Variants in ARFGEF3 observed in about 807,000 individuals in gnomAD.
ARFGEF3 encodes the protein ARFGEF family member 3.
A neutral mutation model predicts 221.7 loss-of-function variants in ARFGEF3; 96 were observed. That is an observed-to-expected ratio of 0.43 (90% CI 0.37 to 0.51). The LOEUF (loss-of-function observed/expected upper bound fraction) is 0.51, where lower values mean the gene tolerates loss of function less well. Among genes scored for constraint, ARFGEF3 ranks in the 20% least tolerant of loss-of-function variants. The pLI is 0.00. For synonymous variants in ARFGEF3, 1,145 were observed against 1,126.8 expected, an observed-to-expected ratio of 1.02 and a Z score of -0.32; for missense variants, 2,410 against 2,789.9, an observed-to-expected ratio of 0.86 and a Z score of 3.07.
intron 1 of ARFGEF3, among the ~76,000 whole-genome samples, chr6:138,168,636 ACAGCTTGGACCAAAGTGG>A (rs1403393764): frequency 1.3e-5 from 2 of 152,226 alleles, no homozygotes; most frequent in African/African-American, 4.8e-5. Context: ...AGAGAAGGTG[ACAGCTTGGACCAAAGTGG>A]CAGGACAGAG....
At chr6:138,316,539 A>G (rs576218195) in intron 26 of ARFGEF3, among the ~76,000 whole-genome samples, 9 of 151,818 alleles carry the variant, frequency 5.9e-5, no homozygotes, top group Non-Finnish European at 1.2e-4. Context: ...ATCTTGGATC[A>G]TGTATATCTT....
rs768281228 is a variant in ARFGEF3, at chr6:138,255,565, C to T, written c.900C>T (p.Asp300=). Residue 300 remains aspartate (D), a synonymous_variant, in exon 10 of 34, where the codon GAC becomes GAT. Coordinates refer to ENST00000251691, the MANE Select transcript of ARFGEF3 (RefSeq NM_020340.5). ...ACTCTGCGTCTCCGGGAGTGTCTGA[C>T]CACGGCCGAGGATCAGGCTGCTCCT... ...ESDSASPGVS[D]HGRGSGCSCT... 6.2e-7 allele frequency: 1 copy of T among 1,614,020 alleles called. No homozygotes were observed. Among genetic ancestry groups the T allele is most frequent in the Non-Finnish European group, 8.5e-7 (1 of 1,179,900 alleles).
chr6:138,275,061 T>C (rs1397078818), intron 12 of ARFGEF3, among the ~76,000 whole-genome samples: 1 of 151,106 alleles, frequency 6.6e-6, no homozygotes, highest in Non-Finnish European at 1.5e-5. Flanking sequence ...GAGCTGAGAT[T>C]GTGCCATTGC....
chr6:138,238,562 T>A lies in ARFGEF3; in HGVS notation c.474T>A (p.Ala158=), dbSNP rs749254747. The change falls in exon 6 of 34, where the codon GCT becomes GCA. Residue 158 remains alanine, a synonymous_variant. Coordinates refer to ENST00000251691, the MANE Select transcript of ARFGEF3 (RefSeq NM_020340.5). ...GTCACCAGCGTAGCATAAACACTGC[T>A]GTGCGGGCAACTCTCAGTCAAATGC... ...SSCHQRSINT[A]VRATLSQMLS... The A allele has an allele frequency of 1.9e-6, 3 of 1,613,750 alleles. No homozygotes were observed. The African/African-American group carries it at 4.0e-5, about 22-fold the overall frequency.
At chr6:138,221,056 C>T (rs576051142) in intron 4 of ARFGEF3, among the ~76,000 whole-genome samples, 1 of 152,306 alleles carries the variant, frequency 6.6e-6, no homozygotes, top group African/African-American at 2.4e-5. Context: ...CATCTTCGGT[C>T]AGTTGGTGGC....
chr6:138,332,765 T>C (rs1262624804), intron 32 of ARFGEF3, among the ~76,000 whole-genome samples: 2 of 152,218 alleles, frequency 1.3e-5, no homozygotes, highest in African/African-American at 4.8e-5. Flanking sequence ...GTAACTTTTA[T>C]GTATATTTTA....
intron 9 of ARFGEF3, among the ~76,000 whole-genome samples, chr6:138,254,857 C>G (rs730930): frequency 0.082 from 12,509 of 152,182 alleles, 813 homozygotes; most frequent in East Asian, 0.36. Flanking sequence ...CATGAGAGAC[C>G]AGAACCAGAA....
intron 6 of ARFGEF3, among the ~76,000 whole-genome samples, chr6:138,239,506 G>A (rs545059946): frequency 2.0e-4 from 31 of 151,886 alleles, no homozygotes; most frequent in African/African-American, 5.5e-4. Flanking sequence ...AAAATTAGCC[G>A]GGTGTGGTGG....
chr6:138,284,319 A>T (rs772744982), intron 14 of ARFGEF3, among the ~76,000 whole-genome samples: 8 of 152,166 alleles, frequency 5.3e-5, no homozygotes, highest in Non-Finnish European at 1.0e-4. Flanking sequence ...ACAAACAAAC[A>T]AAAACAAACA....
intron 32 of ARFGEF3, among the ~76,000 whole-genome samples, chr6:138,332,241 C>G (rs1354937081): frequency 2.0e-5 from 3 of 150,240 alleles, no homozygotes; most frequent in African/African-American, 5.1e-5. Context: ...AACCATTTCT[C>G]AGGGGGAGCA....
At chr6:138,168,311 T>C (rs1279908625) in intron 1 of ARFGEF3, among the ~76,000 whole-genome samples, 1 of 152,218 alleles carries the variant, frequency 6.6e-6, no homozygotes, top group Non-Finnish European at 1.5e-5. Context: ...GGAGTTGCCA[T>C]TTAAATAGGG....
rs61617065 is a variant in ARFGEF3, at chr6:138,195,994, TAA to T, written c.138-11034_138-11033del. Among the ~76,000 whole-genome samples, 355 of 123,924 alleles carry T rather than the reference TAA, an allele frequency of 2.9e-3. 1 individual carries two copies. The highest frequency in any genetic ancestry group is 9.0e-3 in the African/African-American group (315 of 35,012). The allele number at this position is 123,924 out of a possible 152,430, so 81.3% of individuals were successfully genotyped here. Reference sequence around the variant, plus strand: ...GGACAGAAAGAAAGGAGTGTCTTGGTAAAAAAAAAAAAAAAGAAAAGAAAAAA... The same window carrying T: ...GGACAGAAAGAAAGGAGTGTCTTGGTAAAAAAAAAAAAAGAAAAGAAAAAA... On this transcript the variant is annotated intron_variant, in intron 2 of 33. Coordinates refer to ENST00000251691, the MANE Select transcript of ARFGEF3 (RefSeq NM_020340.5).
chr6:138,218,546 G>A (rs375150636), intron 4 of ARFGEF3: 45 of 1,302,582 alleles, frequency 3.5e-5, no homozygotes, highest in East Asian at 3.1e-4. Flanking sequence ...CTTTAGCTGA[G>A]CCAATGTTTC....
At chr6:138,288,817 A>G (rs1296437082) in intron 17 of ARFGEF3, among the ~76,000 whole-genome samples, 2 of 152,262 alleles carry the variant, frequency 1.3e-5, no homozygotes, top group Non-Finnish European at 2.9e-5. Flanking sequence ...GTTCTGGACC[A>G]TCACTTAGTT....
chr6:138,235,275 C>G (rs981548371), intron 5 of ARFGEF3, among the ~76,000 whole-genome samples: 1 of 152,148 alleles, frequency 6.6e-6, no homozygotes. Flanking sequence ...TGGATGCTTA[C>G]AAATCAGTGA....
chr6:138,316,823 A>G (rs1198345385), intron 26 of ARFGEF3, among the ~76,000 whole-genome samples: 1 of 152,216 alleles, frequency 6.6e-6, no homozygotes, highest in Admixed American at 6.5e-5. Flanking sequence ...GTTGTCATGA[A>G]TACCTCTGAA....
At chr6:138,197,271 C>T (rs910400406) in intron 2 of ARFGEF3, among the ~76,000 whole-genome samples, 1 of 152,210 alleles carries the variant, frequency 6.6e-6, no homozygotes. Context: ...GGAAGGTCTT[C>T]AGGGTCAGTA....
intron 21 of ARFGEF3, 91 bp from the exon 22 acceptor site, chr6:138,298,515 C>A: frequency 1.0e-6 from 1 of 965,352 alleles, no homozygotes; most frequent in Non-Finnish European, 1.5e-6. Flanking sequence ...GCTTCCACCT[C>A]CTTGTAATGA....
intron 2 of ARFGEF3, among the ~76,000 whole-genome samples, chr6:138,177,057 CTTTATTTATTTA>C (rs3044801): frequency 2.5e-4 from 37 of 146,170 alleles, no homozygotes; most frequent in East Asian, 4.0e-4. Context: ...TTCACTTTTA[CTTTATTTATTTA>C]TTTATTTATT....
Sources: allele counts gnomAD v4.1 joint callset (sites outside exome capture counted in the v4.1 genomes callset), GRCh38; gene constraint gnomAD v4.1.1; transcripts MANE v1.5; gene names NCBI Gene and HGNC (gene_info 2026-07-23, HGNC 2026-07-21).